Variants in QTMAN observed in about 807,000 individuals in gnomAD.
QTMAN encodes queuosine-tRNA mannosyltransferase.
At chr2:144,007,207 G>A in the QTMAN span, 2 of 1,603,414 alleles carry the variant, frequency 1.2e-6, no homozygotes, top group East Asian at 2.2e-5. Context: ...ACAATGTGTA[G>A]CAGTCTTTGC....
chr2:144,186,641 C>T, the QTMAN span, among the ~76,000 whole-genome samples: 687 of 152,200 alleles, frequency 4.5e-3, 7 homozygotes, highest in Middle Eastern at 0.024. Flanking sequence ...GATGATTGAG[C>T]CTGTTTCTAT....
the QTMAN span, chr2:144,006,979 G>C: frequency 2.3e-6 from 1 of 426,550 alleles, no homozygotes; most frequent in African/African-American, 2.0e-5. Flanking sequence ...ATAATTACCT[G>C]TAATTCAAAT....
At chr2:144,191,434 A>G in the QTMAN span, among the ~76,000 whole-genome samples, 1 of 152,250 alleles carries the variant, frequency 6.6e-6, no homozygotes, top group Admixed American at 6.5e-5. Context: ...GAAAATAGAA[A>G]GTAGAATCTT....
the QTMAN span, among the ~76,000 whole-genome samples, chr2:144,100,859 CTTT>C: frequency 0.027 from 2,099 of 77,438 alleles, 9 homozygotes; most frequent in African/African-American, 0.11. Context: ...GTCTTTCTTT[CTTT>C]TTTTTTTTTT....
the QTMAN span, chr2:144,294,620 G>C: frequency 6.6e-6 from 1 of 152,170 alleles, no homozygotes; most frequent in African/African-American, 2.4e-5. Flanking sequence ...GTGTGTATGT[G>C]TGTGTGTATA....
chr2:144,307,109 C>T, the QTMAN span, among the ~76,000 whole-genome samples: 7 of 129,792 alleles, frequency 5.4e-5, no homozygotes, highest in Admixed American at 3.9e-4. Context: ...TGCAGTGAGC[C>T]GAGATCGTGC....
the QTMAN span, among the ~76,000 whole-genome samples, chr2:144,329,845 A>G: frequency 6.6e-6 from 1 of 152,234 alleles, no homozygotes; most frequent in East Asian, 1.9e-4. Context: ...CAAAAATTAG[A>G]TTAAGCCCAA....
At chr2:144,245,052 GTTA>G in the QTMAN span, among the ~76,000 whole-genome samples, 2 of 152,164 alleles carry the variant, frequency 1.3e-5, no homozygotes, top group East Asian at 3.8e-4. Context: ...CCCCAATAGG[GTTA>G]TTATTAAATG....
chr2:144,256,122 TAAC>T, the QTMAN span, among the ~76,000 whole-genome samples: 10 of 152,266 alleles, frequency 6.6e-5, no homozygotes, highest in Admixed American at 3.3e-4. Flanking sequence ...CCTGCTCATA[TAAC>T]AACAACAAAA....
the QTMAN span, among the ~76,000 whole-genome samples, chr2:144,113,567 C>A: frequency 3.9e-5 from 6 of 152,284 alleles, no homozygotes; most frequent in East Asian, 1.2e-3. Flanking sequence ...GAAAATTTCC[C>A]AAATTTGGCA....
At chr2:144,032,078 G>A in the QTMAN span, among the ~76,000 whole-genome samples, 9 of 152,076 alleles carry the variant, frequency 5.9e-5, no homozygotes, top group South Asian at 4.2e-4. Context: ...CCACCGCTCC[G>A]GGCCTGGGGG....
the QTMAN span, among the ~76,000 whole-genome samples, chr2:144,296,270 A>C: frequency 1.3e-5 from 2 of 152,234 alleles, no homozygotes; most frequent in Admixed American, 1.3e-4. Context: ...ACAAAAACCA[A>C]CTAAAATCAT....
At chr2:144,017,258 C>T in the QTMAN span, among the ~76,000 whole-genome samples, 1 of 152,092 alleles carries the variant, frequency 6.6e-6, no homozygotes, top group Non-Finnish European at 1.5e-5. Flanking sequence ...CCACCTCGGC[C>T]TCCCAAAGTG....
At chr2:144,168,031 C>T in the QTMAN span, among the ~76,000 whole-genome samples, 1 of 152,096 alleles carries the variant, frequency 6.6e-6, no homozygotes, top group South Asian at 2.1e-4. Context: ...GATAATTTTA[C>T]CAAAACTGCT....
At chr2:144,008,313 T>C in the QTMAN span, among the ~76,000 whole-genome samples, 1 of 151,792 alleles carries the variant, frequency 6.6e-6, no homozygotes, top group Non-Finnish European at 1.5e-5. Context: ...ATACATACAA[T>C]GGCCATTCCA....
chr2:144,243,642 C>A, the QTMAN span, among the ~76,000 whole-genome samples: 6 of 152,094 alleles, frequency 3.9e-5, no homozygotes, highest in Non-Finnish European at 8.8e-5. Context: ...GGTATCTAGA[C>A]CATATATAGT....
At chr2:144,227,771 A>T in the QTMAN span, among the ~76,000 whole-genome samples, 164 of 152,350 alleles carry the variant, frequency 1.1e-3, no homozygotes, top group African/African-American at 3.8e-3. Context: ...AAGGAAGTAC[A>T]GCAGATAACT....
At chr2:144,017,254 C>T in the QTMAN span, among the ~76,000 whole-genome samples, 3 of 152,128 alleles carry the variant, frequency 2.0e-5, no homozygotes, top group African/African-American at 4.8e-5. Flanking sequence ...CCACCCACCT[C>T]GGCCTCCCAA....
the QTMAN span, among the ~76,000 whole-genome samples, chr2:144,034,776 T>C: frequency 6.6e-6 from 1 of 152,232 alleles, no homozygotes; most frequent in African/African-American, 2.4e-5. Context: ...AATTACCTGG[T>C]GCCTGATCTT....
Sources: allele counts gnomAD v4.1 joint callset (sites outside exome capture counted in the v4.1 genomes callset), GRCh38; gene constraint gnomAD v4.1.1; transcripts MANE v1.5; gene names NCBI Gene and HGNC (gene_info 2026-07-23, HGNC 2026-07-21).